The following STX8 variants were observed in gnomAD, a reference collection of about 807,000 sequenced individuals.
The protein encoded by STX8 is syntaxin 8.
A neutral mutation model predicts 37.5 loss-of-function variants in STX8; 23 were observed. The observed-to-expected ratio is 0.61, with a 90% CI of 0.44 to 0.87. The LOEUF (loss-of-function observed/expected upper bound fraction) is 0.87. STX8 is among the 40% of genes least tolerant of loss of function. STX8 has a pLI of 0.00. For synonymous variants in STX8, 115 were observed against 99.1 expected (o/e 1.16, Z -0.95); for missense variants, 313 against 284.7 (o/e 1.10, Z -0.71).
At chr17:9,334,040 G>A (rs999013414) in intron 7 of STX8, among the ~76,000 whole-genome samples, 2 of 151,976 alleles carry the variant, frequency 1.3e-5, no homozygotes, top group Non-Finnish European at 1.5e-5. Context: ...AATTTGGTGG[G>A]AGGGGAGGGG....
intron 7 of STX8, among the ~76,000 whole-genome samples, chr17:9,364,528 T>C (rs1045590191): frequency 6.6e-6 from 1 of 152,074 alleles, no homozygotes; most frequent in African/African-American, 2.4e-5. Flanking sequence ...TTATTATTAT[T>C]GTTGTTTATA....
At chr17:9,503,562 G>A (rs1469219326) in intron 5 of STX8, among the ~76,000 whole-genome samples, 4 of 151,862 alleles carry the variant, frequency 2.6e-5, no homozygotes, top group Non-Finnish European at 4.4e-5. Context: ...TTTAAAGATG[G>A]GATTTTACTA....
In STX8 at chr17:9,402,309, C is replaced by T. The variant is rs182061959; in HGVS notation, c.542-23656G>A. Reference sequence around the variant, plus strand: ...AAATTTTTTGTATTTTTAGTAGAGACGGGGTTTCTCCATGTTGGTCAGGCT... The same window carrying T: ...AAATTTTTTGTATTTTTAGTAGAGATGGGGTTTCTCCATGTTGGTCAGGCT... On this transcript the variant is annotated intron_variant, in intron 6 of 7. Coordinates refer to ENST00000306357, the MANE Select transcript of STX8 (RefSeq NM_004853.3). Among the ~76,000 whole-genome samples the T allele has an allele frequency of 6.6e-5, 10 of 152,038 alleles. No homozygotes were observed. In the East Asian group the frequency reaches 1.2e-3, roughly 18 times the overall value.
intron 7 of STX8, among the ~76,000 whole-genome samples, chr17:9,317,771 GA>G (rs201309652): frequency 0.012 from 1,140 of 91,932 alleles, 4 homozygotes; most frequent in African/African-American, 0.029. Flanking sequence ...CTCAGAAAAA[GA>G]AAAAAAAAAA....
intron 6 of STX8, chr17:9,437,679 T>C (rs1418147857): frequency 6.6e-6 from 1 of 152,224 alleles, no homozygotes; most frequent in African/African-American, 2.4e-5. Context: ...GTTCAATTAA[T>C]ACTGTCCCTG....
At chr17:9,571,146 A>G (rs1907672855) in intron 1 of STX8, among the ~76,000 whole-genome samples, 1 of 152,198 alleles carries the variant, frequency 6.6e-6, no homozygotes, top group East Asian at 1.9e-4. Context: ...GTGGCCCTAA[A>G]GAGGTTATGA....
At chr17:9,328,704 C>T (rs1271172921) in intron 7 of STX8, among the ~76,000 whole-genome samples, 1 of 152,116 alleles carries the variant, frequency 6.6e-6, no homozygotes, top group African/African-American at 2.4e-5. Context: ...CAGGGAAATC[C>T]ACCTCACTCA....
chr17:9,543,843 C>CA (rs1839522788), intron 4 of STX8, among the ~76,000 whole-genome samples: 2 of 152,348 alleles, frequency 1.3e-5, no homozygotes, highest in African/African-American at 4.8e-5. Flanking sequence ...CATTTCTTCA[C>CA]AGAAGCAACT....
At chr17:9,275,863 G>A (rs1440496806) in intron 7 of STX8, among the ~76,000 whole-genome samples, 1 of 150,208 alleles carries the variant, frequency 6.7e-6, no homozygotes, top group African/African-American at 2.5e-5. Context: ...GTGAGACTCT[G>A]CCTCAAAAAA....
chr17:9,366,339 C>G (rs140470544), intron 7 of STX8, among the ~76,000 whole-genome samples: 190 of 152,312 alleles, frequency 1.2e-3, no homozygotes, highest in Non-Finnish European at 2.2e-3. Flanking sequence ...TCAAGTGATT[C>G]TCCTGCCTCA....
chr17:9,340,716 G>C (rs1430087733), intron 7 of STX8, among the ~76,000 whole-genome samples: 3 of 118,890 alleles, frequency 2.5e-5, no homozygotes, highest in East Asian at 3.0e-4. Context: ...GGAGTGCAAT[G>C]GCGTAATCTG....
At chr17:9,573,765 T>C (rs1032886520) in intron 1 of STX8, among the ~76,000 whole-genome samples, 3 of 152,138 alleles carry the variant, frequency 2.0e-5, no homozygotes, top group Non-Finnish European at 4.4e-5. Flanking sequence ...AGCCACTTAG[T>C]CAAACTGATT....
chr17:9,490,379 T>C (rs1428057428), intron 6 of STX8, among the ~76,000 whole-genome samples: 1 of 79,826 alleles, frequency 1.3e-5, no homozygotes, highest in Non-Finnish European at 3.8e-5. Context: ...ATGATAACTT[T>C]TCTTTTTTTT....
In STX8 at chr17:9,382,171, T is replaced by TCACA. The variant is rs57809204; in HGVS notation, c.542-3522_542-3519dup. Among the ~76,000 whole-genome samples, 228 of 147,066 alleles carry TCACA rather than the reference T, an allele frequency of 1.6e-3. 1 individual carries two copies. Among genetic ancestry groups the TCACA allele is most frequent in the Middle Eastern group, 0.01 (3 of 288 alleles). On this transcript the variant is annotated intron_variant, in intron 6 of 7. Coordinates refer to ENST00000306357, the MANE Select transcript of STX8 (RefSeq NM_004853.3). ...CTTAAAAAAGAAACCAAGAAAACAC[T>TCACA]CACACACACACACACACACACACAC...
At chr17:9,505,663 G>A (rs765308451) in intron 4 of STX8, among the ~76,000 whole-genome samples, 8 of 152,138 alleles carry the variant, frequency 5.3e-5, no homozygotes, top group Non-Finnish European at 1.0e-4. Context: ...ATTTGGAGCC[G>A]GGCGCAGTGG....
At chr17:9,479,995 A>T (rs1906254368) in intron 6 of STX8, among the ~76,000 whole-genome samples, 1 of 152,170 alleles carries the variant, frequency 6.6e-6, no homozygotes, top group Non-Finnish European at 1.5e-5. Context: ...TTTGCTTTTC[A>T]TACAGGTAAC....
intron 7 of STX8, among the ~76,000 whole-genome samples, chr17:9,289,279 G>A (rs568056475): frequency 7.2e-5 from 11 of 152,248 alleles, no homozygotes; most frequent in African/African-American, 2.6e-4. Flanking sequence ...AGCTAGGGGA[G>A]GCTTAAGGGG....
chr17:9,313,985 T>G (rs138160147), intron 7 of STX8, among the ~76,000 whole-genome samples: 1 of 152,278 alleles, frequency 6.6e-6, no homozygotes, highest in East Asian at 1.9e-4. Context: ...TTACTTTAAG[T>G]TCTCATAAGA....
intron 6 of STX8, among the ~76,000 whole-genome samples, chr17:9,463,283 T>C (rs1370585580): frequency 6.6e-6 from 1 of 152,154 alleles, no homozygotes; most frequent in Non-Finnish European, 1.5e-5. Context: ...AATACAATAA[T>C]TTACGTAAAT....
Sources: allele counts gnomAD v4.1 joint callset (sites outside exome capture counted in the v4.1 genomes callset), GRCh38; gene constraint gnomAD v4.1.1; transcripts MANE v1.5; gene names NCBI Gene and HGNC (gene_info 2026-07-23, HGNC 2026-07-21).